Variants in NELL1 observed in about 807,000 individuals in gnomAD.
NELL1 encodes protein kinase C-binding protein NELL1.
In NELL1, 76 loss-of-function variants were observed where a neutral mutation model predicts 107.4. That is an observed-to-expected ratio of 0.71 (90% confidence interval 0.59 to 0.86). NELL1 has a LOEUF of 0.86. Ranked by LOEUF, NELL1 falls within the 40% of genes least tolerant of loss-of-function variation. The probability of loss-of-function intolerance (pLI) is 0.00; values close to 1 mark genes in which losing one functional copy is unlikely to be tolerated. For synonymous variants in NELL1, 353 were observed against 341.2 expected (o/e 1.03, Z -0.38); for missense variants, 1,024 against 1,005.5 (o/e 1.02, Z -0.25).
intron 2 of NELL1, among the ~76,000 whole-genome samples, chr11:20,711,990 C>T (rs1448829306): frequency 6.6e-6 from 1 of 152,098 alleles, no homozygotes; most frequent in Non-Finnish European, 1.5e-5. Context: ...GTCTAGCTGT[C>T]TAGATCTTTA....
chr11:21,139,090 G>A (rs1319746902), intron 13 of NELL1, among the ~76,000 whole-genome samples: 1 of 152,132 alleles, frequency 6.6e-6, no homozygotes, highest in East Asian at 1.9e-4. Flanking sequence ...ATGCAGAGAT[G>A]GCTTGTGAAG....
chr11:21,298,188 G>T, intron 14 of NELL1, among the ~76,000 whole-genome samples: 1 of 151,954 alleles, frequency 6.6e-6, no homozygotes, highest in East Asian at 1.9e-4. Flanking sequence ...TAATTAACCT[G>T]ATTCAAAATC....
chr11:20,684,962 G>A (rs1800612600), intron 2 of NELL1, among the ~76,000 whole-genome samples: 1 of 151,954 alleles, frequency 6.6e-6, no homozygotes, highest in Non-Finnish European at 1.5e-5. Flanking sequence ...GGTCTTTCCT[G>A]TCCTTGGGTA....
chr11:21,172,534 T>G (rs773633505), intron 13 of NELL1, among the ~76,000 whole-genome samples: 1 of 151,834 alleles, frequency 6.6e-6, no homozygotes, highest in Non-Finnish European at 1.5e-5. Flanking sequence ...TAGCCATTAT[T>G]CCAGGTATTA....
chr11:21,574,644 A>G (rs1035630914), intron 19 of NELL1, among the ~76,000 whole-genome samples: 1 of 151,916 alleles, frequency 6.6e-6, no homozygotes, highest in African/African-American at 2.4e-5. Flanking sequence ...TTTGGAAAGA[A>G]TCTCGCTTGG....
intron 12 of NELL1, among the ~76,000 whole-genome samples, chr11:20,985,432 T>G (rs1851833205): frequency 6.6e-6 from 1 of 152,188 alleles, no homozygotes; most frequent in Non-Finnish European, 1.5e-5. Context: ...TAGGGAGATT[T>G]TAGAAATGAT....
chr11:20,957,798 C>G (rs1166058968), intron 11 of NELL1, among the ~76,000 whole-genome samples: 3 of 151,664 alleles, frequency 2.0e-5, no homozygotes, highest in Non-Finnish European at 4.4e-5. Context: ...TATAACACAC[C>G]TCAAGACAGA....
At chr11:20,789,166 G>T (rs1454230551) in intron 3 of NELL1, among the ~76,000 whole-genome samples, 1 of 152,148 alleles carries the variant, frequency 6.6e-6, no homozygotes, top group Non-Finnish European at 1.5e-5. Flanking sequence ...CACTGGGCTC[G>T]TTCTACCCAC....
At chr11:21,347,814 G>GT (rs1336860775) in intron 14 of NELL1, among the ~76,000 whole-genome samples, 8 of 152,156 alleles carry the variant, frequency 5.3e-5, no homozygotes, top group Admixed American at 4.6e-4. Context: ...TCCAGGCAGA[G>GT]TCCTGGGAGC....
At chr11:21,524,388 CTG>C (rs1409127129) in intron 15 of NELL1, among the ~76,000 whole-genome samples, 1 of 151,834 alleles carries the variant, frequency 6.6e-6, no homozygotes, top group Admixed American at 6.6e-5. Flanking sequence ...AATAGAGAAA[CTG>C]TAAGAATCGT....
At chr11:21,104,419 T>C (rs1180995209) in intron 12 of NELL1, among the ~76,000 whole-genome samples, 1 of 152,202 alleles carries the variant, frequency 6.6e-6, no homozygotes. Flanking sequence ...AAAGATATGT[T>C]ACTTTATGAC....
intron 13 of NELL1, among the ~76,000 whole-genome samples, chr11:21,205,131 C>T (rs1037657155): frequency 3.3e-5 from 5 of 152,148 alleles, no homozygotes; most frequent in South Asian, 2.1e-4. Context: ...TAGCAGAGCT[C>T]GAACGCTGTG....
intron 12 of NELL1, among the ~76,000 whole-genome samples, chr11:20,963,760 G>A (rs1350120906): frequency 6.6e-6 from 1 of 152,108 alleles, no homozygotes; most frequent in African/African-American, 2.4e-5. Flanking sequence ...TTTACTCTGA[G>A]TAAATGGGAT....
intron 12 of NELL1, among the ~76,000 whole-genome samples, chr11:21,047,166 A>G (rs1853377009): frequency 6.6e-6 from 1 of 152,112 alleles, no homozygotes; most frequent in South Asian, 2.1e-4. Flanking sequence ...AGTATGAGAA[A>G]TGTTGCTCTT....
intron 15 of NELL1, among the ~76,000 whole-genome samples, chr11:21,487,913 A>G (rs763350196): frequency 6.6e-6 from 1 of 152,196 alleles, no homozygotes; most frequent in Non-Finnish European, 1.5e-5. Flanking sequence ...CTTTACATCA[A>G]AAACAATGTA....
intron 15 of NELL1, among the ~76,000 whole-genome samples, chr11:21,512,910 G>T (rs749564178): frequency 6.6e-6 from 1 of 152,118 alleles, no homozygotes; most frequent in African/African-American, 2.4e-5. Flanking sequence ...ATGTTTCCTG[G>T]CAGGTAGCTA....
chr11:21,291,822 A>C (rs2133960842), intron 14 of NELL1, among the ~76,000 whole-genome samples: 1 of 152,306 alleles, frequency 6.6e-6, no homozygotes, highest in African/African-American at 2.4e-5. Flanking sequence ...CTGATGATAA[A>C]AACCACATGA....
chr11:20,723,834 T>A (rs11025711), intron 2 of NELL1, among the ~76,000 whole-genome samples: 2 of 152,134 alleles, frequency 1.3e-5, no homozygotes, highest in South Asian at 2.1e-4. Flanking sequence ...TACATCCAGG[T>A]GTTTCCATAT....
intron 13 of NELL1, among the ~76,000 whole-genome samples, chr11:21,161,239 T>C (rs935646078): frequency 1.3e-5 from 2 of 152,160 alleles, no homozygotes; most frequent in Non-Finnish European, 1.5e-5. Context: ...TCTCTGTCAT[T>C]TAGAACTGCC....
Sources: allele counts gnomAD v4.1 joint callset (sites outside exome capture counted in the v4.1 genomes callset), GRCh38; gene constraint gnomAD v4.1.1; transcripts MANE v1.5; gene names NCBI Gene and HGNC (gene_info 2026-07-23, HGNC 2026-07-21).